The following SLC4A10 variants were observed in gnomAD, a reference collection of about 807,000 sequenced individuals.
SLC4A10 encodes solute carrier family 4 member 10, also known as sodium-driven chloride bicarbonate exchanger.
Under a neutral mutation model 137.7 loss-of-function variants are expected in SLC4A10, and 42 were observed. That is an observed-to-expected ratio of 0.30 (90% CI 0.24 to 0.39). The LOEUF (loss-of-function observed/expected upper bound fraction) is 0.39. Among genes scored for constraint, SLC4A10 ranks in the 10% least tolerant of loss-of-function variants. SLC4A10 has a pLI of 1.00. For synonymous variants in SLC4A10, 474 were observed against 464.1 expected (o/e 1.02, Z -0.27); for missense variants, 925 against 1,355.0 (o/e 0.68, Z 4.98).
At chr2:161,717,933 GT>G (rs369597501) in intron 1 of SLC4A10, among the ~76,000 whole-genome samples, 3 of 152,058 alleles carry the variant, frequency 2.0e-5, no homozygotes, top group African/African-American at 7.2e-5. Context: ...GGGCTGTTTT[GT>G]TTGGGAGGCT....
intron 16 of SLC4A10, among the ~76,000 whole-genome samples, chr2:161,945,723 G>T (rs1248764387): frequency 6.6e-6 from 1 of 151,668 alleles, no homozygotes; most frequent in Non-Finnish European, 1.5e-5. Context: ...TTAGCATTTT[G>T]TTTCCTCCCA....
At chr2:161,868,897 G>C (rs1366741992) in intron 6 of SLC4A10, among the ~76,000 whole-genome samples, 1 of 150,996 alleles carries the variant, frequency 6.6e-6, no homozygotes, top group Non-Finnish European at 1.5e-5. Flanking sequence ...AAATTTTCTA[G>C]GTATTATAAA....
At chr2:161,910,720 A>T (rs1559516120) in intron 15 of SLC4A10, among the ~76,000 whole-genome samples, 1 of 151,934 alleles carries the variant, frequency 6.6e-6, no homozygotes, top group African/African-American at 2.4e-5. Flanking sequence ...GTTATGAGAA[A>T]TTTTTTTATT....
intron 1 of SLC4A10, among the ~76,000 whole-genome samples, chr2:161,667,738 C>A (rs915243355): frequency 2.6e-5 from 4 of 151,772 alleles, no homozygotes; most frequent in African/African-American, 9.6e-5. Flanking sequence ...ATCATTCAAA[C>A]TACTTTTGCT....
At chr2:161,956,216 C>A (rs968466725) in intron 19 of SLC4A10, among the ~76,000 whole-genome samples, 2 of 152,104 alleles carry the variant, frequency 1.3e-5, no homozygotes, top group Non-Finnish European at 2.9e-5. Context: ...ATCACAACAG[C>A]CCAGTGAGGT....
chr2:161,702,217 C>G (rs2043194781), intron 1 of SLC4A10, among the ~76,000 whole-genome samples: 1 of 151,618 alleles, frequency 6.6e-6, no homozygotes, highest in East Asian at 1.9e-4. Context: ...TATTATATAG[C>G]CATAAAAAGA....
intron 3 of SLC4A10, among the ~76,000 whole-genome samples, chr2:161,822,073 A>G (rs1406855899): frequency 6.6e-6 from 1 of 152,230 alleles, no homozygotes; most frequent in African/African-American, 2.4e-5. Context: ...CCTTATTCAT[A>G]ACTGTGAGGG....
intron 1 of SLC4A10, among the ~76,000 whole-genome samples, chr2:161,626,822 C>T (rs1377625146): frequency 6.6e-6 from 1 of 152,090 alleles, no homozygotes; most frequent in Non-Finnish European, 1.5e-5. Context: ...TTTTACATTA[C>T]ATTCTTAACC....
Position 161,792,278 on chromosome 2 carries a change from T to C in SLC4A10, c.131-12171T>C, listed in dbSNP as rs1350012999. 2.6e-5 allele frequency among the ~76,000 whole-genome samples: 4 copies of C among 152,290 alleles called. No individual in the cohort carries two copies. In the South Asian group the frequency reaches 8.3e-4, roughly 32 times the overall value. On this transcript the variant is annotated intron_variant, in intron 2 of 26. Coordinates refer to ENST00000446997, the MANE Select transcript of SLC4A10 (RefSeq NM_001178015.2). ...GTATTCATTACATTAAATATAATCCTATACATATTAAGAGGAAATTTTACA... is the reference window on the plus strand; with the variant it reads ...GTATTCATTACATTAAATATAATCCCATACATATTAAGAGGAAATTTTACA...
In SLC4A10 at chr2:161,664,153, T is replaced by C. The variant is rs183384216; in HGVS notation, c.48+39587T>C. Among the ~76,000 whole-genome samples, 97 of 151,986 alleles carry C rather than the reference T, an allele frequency of 6.4e-4. 1 individual carries two copies. The highest frequency in any genetic ancestry group is 2.4e-3 in the Admixed American group (36 of 15,250). On this transcript the variant is annotated intron_variant, in intron 1 of 26. Coordinates refer to ENST00000446997, the MANE Select transcript of SLC4A10 (RefSeq NM_001178015.2). Reference sequence around the variant, plus strand: ...AGCTCTGGGATTCTAACCCTGATTCTTTTTTTTAAATCCTGCATTGTGGTA... The same window carrying C: ...AGCTCTGGGATTCTAACCCTGATTCCTTTTTTTAAATCCTGCATTGTGGTA...
At position 161,855,713 on chromosome 2, in the gene SLC4A10, A is replaced by T. The variant is rs1428633246; in HGVS notation, c.577+583A>T. ...TTTAGGAAATGTTATTATTACAGAA[A>T]TTGAGTCAAAGAACTCCTGTATCTT... is the stretch of plus-strand genomic sequence containing the variant. On this transcript the variant is annotated intron_variant, in intron 5 of 26. Transcript: ENST00000446997. Among the ~76,000 whole-genome samples the T allele has an allele frequency of 2.0e-5, 3 of 152,222 alleles. No individual in the cohort carries two copies. In the East Asian group the frequency reaches 5.8e-4, roughly 29 times the overall value.
At chr2:161,627,198 A>C (rs1409293176) in intron 1 of SLC4A10, among the ~76,000 whole-genome samples, 1 of 152,126 alleles carries the variant, frequency 6.6e-6, no homozygotes, top group African/African-American at 2.4e-5. Flanking sequence ...TATTCATCTC[A>C]AAGTAGATAT....
chr2:161,905,602 T>C (rs538210835), intron 14 of SLC4A10, 40 bp from the exon 15 acceptor site: 1 of 1,537,902 alleles, frequency 6.5e-7, no homozygotes, highest in African/African-American at 1.4e-5. Flanking sequence ...AGCTGTTAAA[T>C]GACCTTCTTT....
intron 15 of SLC4A10, among the ~76,000 whole-genome samples, chr2:161,911,402 A>G (rs1488203563): frequency 1.3e-5 from 2 of 152,092 alleles, no homozygotes; most frequent in African/African-American, 4.8e-5. Context: ...ACTGGAGTGC[A>G]ATTTATAGCG....
rs541058476 is a variant in SLC4A10, at chr2:161,966,523, G to A, written c.3159+1350G>A. On this transcript the variant is annotated intron_variant, in intron 23 of 26. Coordinates refer to ENST00000446997, the MANE Select transcript of SLC4A10 (RefSeq NM_001178015.2). ...TGCTAGCAGTTTGGGAGGCTGAGGC[G>A]GGCAGATCACGAGATCAGGAGATAA... Among the ~76,000 whole-genome samples the A allele has an allele frequency of 9.2e-5, 14 of 151,898 alleles. No homozygotes were observed. The East Asian group carries it at 1.7e-3, about 19-fold the overall frequency.
chr2:161,770,903 C>G (rs2051505214), intron 1 of SLC4A10, 70 bp from the exon 2 acceptor site: 1 of 1,051,132 alleles, frequency 9.5e-7, no homozygotes, highest in Non-Finnish European at 1.4e-6. Flanking sequence ...TAAATTATAT[C>G]AAGGTTTGTT....
chr2:161,975,558 T>C (rs1699252761), intron 24 of SLC4A10, among the ~76,000 whole-genome samples: 1 of 152,182 alleles, frequency 6.6e-6, no homozygotes, highest in African/African-American at 2.4e-5. Context: ...TCTGGTGCTT[T>C]GAATTACCAG....
At chr2:161,977,898 C>T in intron 26 of SLC4A10, 138 bp downstream of exon 26, 1 of 624,838 alleles carries the variant, frequency 1.6e-6, no homozygotes, top group Non-Finnish European at 2.6e-6. Flanking sequence ...GGGCTCAGAT[C>T]CAGTAGCAGA....
At chr2:161,767,139 ATG>A (rs1245094195) in intron 1 of SLC4A10, among the ~76,000 whole-genome samples, 266 of 57,042 alleles carry the variant, frequency 4.7e-3, no homozygotes, top group Non-Finnish European at 5.5e-3. Context: ...ATATATATAT[ATG>A]TGTGTGTGTG....
Sources: gnomAD v4.1 joint callset for allele counts (sites outside exome capture counted in the v4.1 genomes callset) on GRCh38, gnomAD v4.1.1 for gene constraint, MANE v1.5 for transcripts, NCBI Gene and HGNC (gene_info 2026-07-23, HGNC 2026-07-21) for gene names.